COL28A1: variants seen among roughly 807,000 people sequenced by gnomAD.
COL28A1 encodes the protein collagen alpha-1(XXVIII) chain.
COL28A1 carries 161 observed loss-of-function variants against 150.2 expected under a neutral mutation model. The observed-to-expected ratio is 1.07, with a 90% CI of 0.94 to 1.22. COL28A1 has a LOEUF of 1.22. Ranked by LOEUF, COL28A1 falls within the 50% of genes most tolerant of loss-of-function variation. COL28A1 has a pLI of 0.00. For missense variants in COL28A1, 1,617 were observed against 1,388.3 expected (o/e 1.16, Z -2.62); for synonymous variants, 552 against 469.7 (o/e 1.18, Z -2.26).
At chr7:7,497,717 TAAA>T (rs1278120770) in intron 11 of COL28A1, among the ~76,000 whole-genome samples, 1 of 152,118 alleles carries the variant, frequency 6.6e-6, no homozygotes, top group Non-Finnish European at 1.5e-5. Context: ...ATCTCTAAAA[TAAA>T]ATATAAGCCA....
chr7:7,465,141 CCCAGCGTGAGCGACG>C (rs1338829759), intron 15 of COL28A1, among the ~76,000 whole-genome samples: 1 of 152,066 alleles, frequency 6.6e-6, no homozygotes, highest in African/African-American at 2.4e-5. Context: ...GTCTACAGCT[CCCAGCGTGAGCGACG>C]CAGAAGACGG....
chr7:7,341,407 CT>C, the COL28A1 span, among the ~76,000 whole-genome samples: 1 of 151,512 alleles, frequency 6.6e-6, no homozygotes, highest in African/African-American at 2.4e-5. Context: ...ATGTATTTCC[CT>C]TTTTAAATTT....
chr7:7,528,045 T>C (rs1782127661), intron 3 of COL28A1, among the ~76,000 whole-genome samples: 2 of 152,194 alleles, frequency 1.3e-5, no homozygotes, highest in Non-Finnish European at 2.9e-5. Flanking sequence ...TAAGAAAGCA[T>C]AGGATTCTAA....
intron 25 of COL28A1, chr7:7,431,438 T>A: frequency 2.3e-6 from 1 of 438,124 alleles, no homozygotes; most frequent in South Asian, 1.7e-5. Context: ...TACAGAGGGG[T>A]TGGGGTAGTA....
Position 7,477,154 on chromosome 7 carries a change from T to G in COL28A1, c.1191A>C (p.Pro397=). 1 of 1,334,856 alleles carries G rather than the reference T, an allele frequency of 7.5e-7. No individual in the cohort carries two copies. The highest frequency in any genetic ancestry group is 1.1e-6 in the Non-Finnish European group (1 of 924,660). 82.7% of individuals were successfully genotyped at this position (1,334,856 alleles called of 1,614,324 possible). Residue 397 remains proline, a synonymous_variant, in exon 14 of 35, where the codon CCA becomes CCC. Coordinates refer to ENST00000399429, the MANE Select transcript of COL28A1 (RefSeq NM_001037763.3). ...CTTCTCCGGGTAAGCCCCTCTCTCC[T>G]GGTACTCCCTCAGGACCACGGGGAC... is the stretch of plus-strand genomic sequence containing the variant. ...QPGPRGPEGV[P]GERGLPGEGF...
the COL28A1 span, among the ~76,000 whole-genome samples, chr7:7,541,988 T>C: frequency 6.6e-6 from 1 of 151,382 alleles, no homozygotes; most frequent in Non-Finnish European, 1.5e-5. Flanking sequence ...TAGTTGACAA[T>C]ACCATGCTGC....
intron 15 of COL28A1, 78 bp downstream of exon 15, chr7:7,474,523 G>T: frequency 1.3e-6 from 1 of 771,146 alleles, no homozygotes. Flanking sequence ...CATGTATACA[G>T]TTCAGAAATG....
Position 7,489,439 on chromosome 7 carries a change from C to T in COL28A1, c.1114G>A (p.Gly372Arg). 7.0e-7 allele frequency: 1 copy of T among 1,424,856 alleles called. No individual in the cohort carries two copies. The highest frequency in any genetic ancestry group is 9.9e-7 in the Non-Finnish European group (1 of 1,006,938). The allele number at this position is 1,424,856 out of a possible 1,614,324, so 88.3% of individuals were successfully genotyped here. A position where few individuals can be genotyped will look rare whatever the true frequency, so the allele number is the denominator to read the frequency against. Residue 372 changes from glycine to arginine, a missense_variant, in exon 13 of 35, where the codon GGA (glycine) becomes AGA (arginine). Gly to Arg is a moderately radical substitution (Grantham distance 125). Transcript: ENST00000399429. ...QGIKGERGQE[G>R]RPGAPGPIGV... Reference sequence around the variant, plus strand: ...ATGGGTCCTGGAGCTCCCGGTCTTCCTTCTTGGCCTCTTTCTCCCTAAGAG... The same window carrying T: ...ATGGGTCCTGGAGCTCCCGGTCTTCTTTCTTGGCCTCTTTCTCCCTAAGAG...
At chr7:7,340,690 C>G in the COL28A1 span, among the ~76,000 whole-genome samples, 2 of 151,948 alleles carry the variant, frequency 1.3e-5, no homozygotes, top group Non-Finnish European at 2.9e-5. Context: ...CATCTCTAAT[C>G]TGTGTTTTTT....
Position 7,435,411 on chromosome 7 carries a change from G to C in COL28A1, c.1860+984C>G, listed in dbSNP as rs191816319. 3.3e-5 allele frequency among the ~76,000 whole-genome samples: 5 copies of C among 152,320 alleles called. No individual in the cohort carries two copies. In the East Asian group the frequency reaches 9.6e-4, roughly 29 times the overall value. ...CATAGTTTGGGTTACCTTGGGATCT[G>C]TGGGAAGTAGACGAACAATTCGTCC... is the stretch of plus-strand genomic sequence containing the variant. On this transcript the variant is annotated intron_variant, in intron 23 of 34. Transcript: ENST00000399429.
chr7:7,363,521 A>G (rs1047687660), intron 33 of COL28A1, among the ~76,000 whole-genome samples: 2 of 152,170 alleles, frequency 1.3e-5, no homozygotes, highest in African/African-American at 4.8e-5. Context: ...TTTCCTTACC[A>G]CAAAAGCAAG....
chr7:7,356,608 C>A (rs925584683), downstream of COL28A1: 1 of 152,092 alleles, frequency 6.6e-6, no homozygotes, highest in Non-Finnish European at 1.5e-5. Context: ...AAACCAAACA[C>A]CGCATGTTCT....
intron 31 of COL28A1, among the ~76,000 whole-genome samples, chr7:7,374,108 C>A (rs542183312): frequency 6.7e-6 from 1 of 148,228 alleles, no homozygotes; most frequent in South Asian, 2.1e-4. Flanking sequence ...CTTATGTGCT[C>A]GTTTCTTGGA....
chr7:7,529,027 C>T (rs1218617240), intron 3 of COL28A1, among the ~76,000 whole-genome samples: 3 of 151,936 alleles, frequency 2.0e-5, no homozygotes, highest in Non-Finnish European at 2.9e-5. Flanking sequence ...CTGGGCCCGG[C>T]GCGATGGCTC....
intron 14 of COL28A1, among the ~76,000 whole-genome samples, chr7:7,476,186 G>A (rs1172798015): frequency 6.6e-6 from 1 of 152,188 alleles, no homozygotes; most frequent in Non-Finnish European, 1.5e-5. Context: ...TCTCCGGGCA[G>A]TATGTGTGTA....
chr7:7,419,966 A>G lies in COL28A1; in HGVS notation c.1999-13T>C, dbSNP rs770888097. On this transcript the variant is annotated splice_polypyrimidine_tract_variant and intron_variant, in intron 25 of 34. Coordinates refer to ENST00000399429, the MANE Select transcript of COL28A1 (RefSeq NM_001037763.3). ...CCCCAGGCTCTCCCTGAAAAGACACAACAAATAACAAGTTACTAATTTTTT... is the reference window on the plus strand; with the variant it reads ...CCCCAGGCTCTCCCTGAAAAGACACGACAAATAACAAGTTACTAATTTTTT... 2 of 1,555,782 alleles carry G rather than the reference A, an allele frequency of 1.3e-6. No homozygotes were observed. The highest frequency in any genetic ancestry group is 1.7e-6 in the Non-Finnish European group (2 of 1,153,168).
intron 34 of COL28A1, among the ~76,000 whole-genome samples, chr7:7,360,017 T>C (rs909326240): frequency 6.6e-5 from 10 of 152,212 alleles, no homozygotes; most frequent in African/African-American, 2.4e-4. Flanking sequence ...TCCTGTGCAA[T>C]AAAAGGATCA....
intron 23 of COL28A1, among the ~76,000 whole-genome samples, chr7:7,434,724 C>G (rs1312999380): frequency 6.6e-6 from 1 of 152,152 alleles, no homozygotes; most frequent in Non-Finnish European, 1.5e-5. Context: ...CAGGAAATAT[C>G]AAGGAGCAAG....
chr7:7,388,554 C>G (rs909587022), intron 27 of COL28A1, among the ~76,000 whole-genome samples: 1 of 152,144 alleles, frequency 6.6e-6, no homozygotes, highest in Non-Finnish European at 1.5e-5. Context: ...AATGGTATTT[C>G]TGGTTCTAGA....
Sources: allele counts gnomAD v4.1 joint callset (sites outside exome capture counted in the v4.1 genomes callset), GRCh38; gene constraint gnomAD v4.1.1; transcripts MANE v1.5; gene names NCBI Gene and HGNC (gene_info 2026-07-23, HGNC 2026-07-21).